Variants in PCDH19 observed in about 807,000 individuals in gnomAD.
PCDH19 encodes the protein protocadherin 19.
In PCDH19, 6 loss-of-function variants were observed where a neutral mutation model predicts 46.2. That is an observed-to-expected ratio of 0.13 (90% CI 0.07 to 0.26). The LOEUF (loss-of-function observed/expected upper bound fraction) is 0.26, where lower values mean the gene tolerates loss of function less well. PCDH19 is among the 10% of genes least tolerant of loss of function. The probability of loss-of-function intolerance (pLI) is 1.00; values close to 1 mark genes in which losing one functional copy is unlikely to be tolerated. For missense variants in PCDH19, 740 were observed against 972.3 expected, an observed-to-expected ratio of 0.76 and a Z score of 3.18; for synonymous variants, 481 against 415.7, an observed-to-expected ratio of 1.16 and a Z score of -1.91.
intron 3 of PCDH19, among the ~76,000 whole-genome samples, chrX:100,388,006 C>G (rs1391471366): frequency 9.0e-6 from 1 of 111,084 alleles, no homozygotes; most frequent in Non-Finnish European, 1.9e-5. Flanking sequence ...CATAGTATTA[C>G]GGTTAATTTA....
Position 100,393,497 on chromosome X carries a change from T to TACACACACACACAC in PCDH19, c.2616+9013_2616+9026dup, listed in dbSNP as rs57070852. On this transcript the variant is annotated intron_variant, in intron 3 of 5. Coordinates refer to ENST00000373034, the MANE Select transcript of PCDH19 (RefSeq NM_001184880.2). The stretch of plus-strand genomic sequence containing the variant: ...TCTCCCACACATACACATACATACA[T>TACACACACACACAC]ACACACACACACACACACACACACA... Among the ~76,000 whole-genome samples the TACACACACACACAC allele has an allele frequency of 2.6e-3, 237 of 90,048 alleles. 4 individuals carry two copies. The East Asian group carries it at 0.027, about 10-fold the overall frequency. The allele number at this position is 90,048 out of a possible 115,157, so 78.2% of individuals were successfully genotyped here.
intron 5 of PCDH19, among the ~76,000 whole-genome samples, chrX:100,313,831 G>A (rs1925205706): frequency 2.0e-5 from 2 of 101,820 alleles, no homozygotes; most frequent in Admixed American, 1.1e-4. Flanking sequence ...CCTCCTGCTG[G>A]AATTCAAAGA....
chrX:100,317,867 T>G, intron 5 of PCDH19, among the ~76,000 whole-genome samples: 1 of 112,136 alleles, frequency 8.9e-6, no homozygotes, highest in Middle Eastern at 4.6e-3. Context: ...TACTGATGAC[T>G]TACAACTACA....
rs200896147 is a variant in PCDH19 at position 100,379,304 on chromosome X, T to TACAC, written c.2616+23216_2616+23219dup. Among the ~76,000 whole-genome samples, 162 of 41,600 alleles carry TACAC rather than the reference T, an allele frequency of 3.9e-3. 1 individual carries two copies. Among genetic ancestry groups the TACAC allele is most frequent in the African/African-American group, 0.013 (151 of 12,020 alleles). 36.1% of individuals were successfully genotyped at this position (41,600 alleles called of 115,157 possible). A position where few individuals can be genotyped will look rare whatever the true frequency, so the allele number is the denominator to read the frequency against. The stretch of plus-strand genomic sequence containing the variant: ...ACCAACAACTCTGAGATCTGTCACA[T>TACAC]ACACACACACACACACACACACACA... On this transcript the variant is annotated intron_variant, in intron 3 of 5. Coordinates refer to ENST00000373034, the MANE Select transcript of PCDH19 (RefSeq NM_001184880.2).
chrX:100,373,094 C>T (rs899664647), intron 3 of PCDH19, among the ~76,000 whole-genome samples: 2 of 112,616 alleles, frequency 1.8e-5, no homozygotes, highest in South Asian at 3.6e-4. Context: ...CTGCAACCTC[C>T]GCCTCCGGGG....
At chrX:100,397,017 GTTTCT>G (rs892561126) in intron 3 of PCDH19, among the ~76,000 whole-genome samples, 1 of 111,881 alleles carries the variant, frequency 8.9e-6, no homozygotes, top group Admixed American at 9.4e-5. Context: ...GGGTTTGTTG[GTTTCT>G]TTTAATTAGA....
rs758946412 is a variant in PCDH19, at chrX:100,407,506, CG to C, written c.1091del (p.Pro364ArgfsTer4). 1 of 1,210,753 alleles carries C rather than the reference CG, an allele frequency of 8.3e-7. No homozygotes were observed. On this transcript the variant is annotated frameshift_variant, in exon 1 of 6. Transcript: ENST00000373034. LOFTEE classifies it high-confidence loss of function. ...ELVEVSESAP[P>X]GYVIALVRVS... Reference sequence around the variant, plus strand: ...CCCGCACCAAGGCGATCACGTAGCCCGGGGGGGCGCTCTCGCTGACCTCCAC... The same window carrying C: ...CCCGCACCAAGGCGATCACGTAGCCCGGGGGGCGCTCTCGCTGACCTCCAC...
rs755008766 is a variant in PCDH19, at chrX:100,333,183, GAGAAAGAAAGAAAGAAAGAA to G, written c.2848+8700_2848+8719del. The stretch of plus-strand genomic sequence containing the variant: ...GAAGGAAGGAAGGAAGGGAGAGAGA[GAGAAAGAAAGAAAGAAAGAA>G]AGAAAGAAAGAAAGAAAGAAAGAAA... On this transcript the variant is annotated intron_variant, in intron 5 of 5. Transcript: ENST00000373034. Among the ~76,000 whole-genome samples the G allele has an allele frequency of 7.7e-3, 333 of 43,439 alleles. 6 individuals are homozygous for G. The highest frequency in any genetic ancestry group is 0.025 in the African/African-American group (315 of 12,742). 37.7% of individuals were successfully genotyped at this position (43,439 alleles called of 115,157 possible).
intron 5 of PCDH19, among the ~76,000 whole-genome samples, chrX:100,321,622 TTTG>T (rs1925483214): frequency 1.8e-5 from 2 of 109,695 alleles, no homozygotes; most frequent in South Asian, 8.0e-4. Context: ...GGATTGTTTG[TTTG>T]TTTCTCATTG....
At chrX:100,339,915 ATG>A (rs1926204338) in intron 5 of PCDH19, among the ~76,000 whole-genome samples, 1 of 112,132 alleles carries the variant, frequency 8.9e-6, no homozygotes, top group South Asian at 3.7e-4. Flanking sequence ...GAAAGTGTGT[ATG>A]TGTGTGTATG....
chrX:100,360,940 TCA>T (rs1239929575), intron 3 of PCDH19, among the ~76,000 whole-genome samples: 1 of 111,984 alleles, frequency 8.9e-6, no homozygotes, highest in Non-Finnish European at 1.9e-5. Context: ...TCCCAAATCC[TCA>T]CAGTGCTTCT....
intron 3 of PCDH19, among the ~76,000 whole-genome samples, chrX:100,399,248 TAATA>T (rs1296619893): frequency 8.9e-6 from 1 of 112,164 alleles, no homozygotes; most frequent in Non-Finnish European, 1.9e-5. Flanking sequence ...TATAATTGCT[TAATA>T]AATGTTGCTT....
In PCDH19 at chrX:100,409,712, G is replaced by T. The variant is rs927023136; in HGVS notation, c.-1115C>A. On this transcript the variant is annotated 5_prime_UTR_variant, in exon 1 of 6. Coordinates refer to ENST00000373034, the MANE Select transcript of PCDH19 (RefSeq NM_001184880.2). ...GGGCTGGGGTGTCGCTCCAAGGTCC[G>T]CCGCCGCCGCCGCCGCCGCCGCCGC... 15 of 149,904 alleles carry T rather than the reference G, an allele frequency of 1.0e-4. No homozygotes were observed. Among genetic ancestry groups the T allele is most frequent in the Admixed American group, 7.1e-4 (8 of 11,216 alleles). 12.4% of individuals were successfully genotyped at this position (149,904 alleles called of 1,213,427 possible). A position where few individuals can be genotyped will look rare whatever the true frequency, so the allele number is the denominator to read the frequency against.
At chrX:100,300,353 G>A (rs1353490361) in intron 5 of PCDH19, among the ~76,000 whole-genome samples, 1 of 112,051 alleles carries the variant, frequency 8.9e-6, no homozygotes, top group East Asian at 2.8e-4. Flanking sequence ...TATAGTGGCT[G>A]GGAATGGAGC....
chrX:100,358,582 C>T (rs1926786910), intron 3 of PCDH19, among the ~76,000 whole-genome samples: 1 of 111,969 alleles, frequency 8.9e-6, no homozygotes, highest in South Asian at 3.8e-4. Context: ...CCTTGAGAAA[C>T]CTAGCAGCTG....
chrX:100,318,153 G>A, intron 5 of PCDH19, among the ~76,000 whole-genome samples: 1 of 111,821 alleles, frequency 8.9e-6, no homozygotes, highest in Non-Finnish European at 1.9e-5. Context: ...CAGAGTCTAA[G>A]ACTATGGGCT....
intron 5 of PCDH19, among the ~76,000 whole-genome samples, chrX:100,298,556 T>C (rs1290736642): frequency 1.8e-5 from 2 of 111,666 alleles, no homozygotes; most frequent in Non-Finnish European, 3.8e-5. Flanking sequence ...ATGAACAACA[T>C]CATGAACAGG....
intron 5 of PCDH19, among the ~76,000 whole-genome samples, chrX:100,313,901 A>ACACACACACACACTCT (rs1220794158): frequency 3.9e-5 from 4 of 102,077 alleles, no homozygotes; most frequent in Admixed American, 1.1e-4. Flanking sequence ...ACACACACAC[A>ACACACACACACACTCT]CACACAAAGT....
At chrX:100,319,791 AT>A (rs2147465309) in intron 5 of PCDH19, among the ~76,000 whole-genome samples, 1 of 112,231 alleles carries the variant, frequency 8.9e-6, no homozygotes, top group East Asian at 2.8e-4. Flanking sequence ...TAATCATTCC[AT>A]TTTGGGAAAG....
Sources: gnomAD v4.1 joint callset for allele counts (sites outside exome capture counted in the v4.1 genomes callset) on GRCh38, gnomAD v4.1.1 for gene constraint, MANE v1.5 for transcripts, NCBI Gene and HGNC (gene_info 2026-07-23, HGNC 2026-07-21) for gene names.